The following ZSCAN22 variants were observed in gnomAD, a reference collection of about 807,000 sequenced individuals.
ZSCAN22 encodes the protein zinc finger and SCAN domain containing 22.
In ZSCAN22, 7 loss-of-function variants were observed where a neutral mutation model predicts 12.4. That is an observed-to-expected ratio of 0.57 (90% CI 0.32 to 1.06). ZSCAN22 has a LOEUF of 1.06. Ranked by LOEUF, ZSCAN22 falls within the 50% of genes least tolerant of loss-of-function variation. The pLI, the probability that ZSCAN22 is intolerant of heterozygous loss-of-function variation, is 0.04. For synonymous variants in ZSCAN22, 243 were observed against 255.9 expected, an observed-to-expected ratio of 0.95 and a Z score of 0.48; for missense variants, 576 against 631.7, an observed-to-expected ratio of 0.91 and a Z score of 0.94.
In ZSCAN22 at chr19:58,339,086, G is replaced by C. The variant is rs149385342; in HGVS notation, c.1236G>C (p.Ala412=). The C allele has an allele frequency of 3.1e-6, 5 of 1,614,230 alleles. No individual in the cohort carries two copies. The highest frequency in any genetic ancestry group is 4.2e-6 in the Non-Finnish European group (5 of 1,180,040). The change falls in exon 3 of 3, where the codon GCG becomes GCC. Residue 412 remains alanine, a synonymous_variant. Coordinates refer to ENST00000329665, the MANE Select transcript of ZSCAN22 (RefSeq NM_181846.3). This position sits in a 1 kb window ranked among gnomAD's most constrained non-coding sequence, Gnocchi z 5.6. The part of the protein sequence containing the change: ...HTGEKPYKCD[A]CGRAFSDCSA... ...GGGAGAAGCCCTACAAGTGTGACGCGTGTGGCCGAGCCTTCAGCGACTGCT... is the reference window on the plus strand; with the variant it reads ...GGGAGAAGCCCTACAAGTGTGACGCCTGTGGCCGAGCCTTCAGCGACTGCT...
At chr19:58,327,931 A>G (rs925123831) in intron 1 of ZSCAN22, among the ~76,000 whole-genome samples, 10 of 151,964 alleles carry the variant, frequency 6.6e-5, no homozygotes, top group African/African-American at 2.4e-4. Context: ...GCTCACTGCA[A>G]CCTCCATCTC....
At chr19:58,334,721 A>T in intron 1 of ZSCAN22, 31 bp from the exon 2 acceptor site, 1 of 1,443,972 alleles carries the variant, frequency 6.9e-7, no homozygotes. Context: ...CCCAGGTTCC[A>T]TGTGATGCTG....
At chr19:58,337,067 G>T (rs1441723807) in intron 2 of ZSCAN22, among the ~76,000 whole-genome samples, 1 of 152,190 alleles carries the variant, frequency 6.6e-6, no homozygotes, top group Non-Finnish European at 1.5e-5. Context: ...TCTACCTCAT[G>T]CACACTCTGA....
At position 58,334,834 on chromosome 19, in the gene ZSCAN22, T is replaced by G. The variant is rs756428531; in HGVS notation, c.32T>G (p.Val11Gly). Reference sequence around the variant, plus strand: ...ATCCCCAAGCACTCCCTGAGCCCAGTGCCGTGGGAAGAGGACAGCTTCCTT... The same window carrying G: ...ATCCCCAAGCACTCCCTGAGCCCAGGGCCGTGGGAAGAGGACAGCTTCCTT... MAIPKHSLSPVPWEEDSFLQV... is the reference protein window; with the variant it reads MAIPKHSLSPGPWEEDSFLQV... The change falls in exon 2 of 3, where the codon GTG becomes GGG. Residue 11 changes from valine (V) to glycine (G), a missense_variant. Transcript: ENST00000329665. 1 of 1,611,766 alleles carries G rather than the reference T, an allele frequency of 6.2e-7. No individual in the cohort carries two copies. The highest frequency in any genetic ancestry group is 1.1e-5 in the South Asian group (1 of 91,000).
Position 58,339,096 on chromosome 19 carries a change from G to C in ZSCAN22, c.1246G>C (p.Ala416Pro). The C allele has an allele frequency of 6.2e-7, 1 of 1,614,262 alleles. No homozygotes were observed. The highest frequency in any genetic ancestry group is 8.5e-7 in the Non-Finnish European group (1 of 1,180,044). ...CTACAAGTGTGACGCGTGTGGCCGA[G>C]CCTTCAGCGACTGCTCAGCCCTGAT... ...KPYKCDACGR[A>P]FSDCSALIRH... The change falls in exon 3 of 3, where the codon GCC becomes CCC. Residue 416 changes from alanine to proline, a missense_variant. Coordinates refer to ENST00000329665, the MANE Select transcript of ZSCAN22 (RefSeq NM_181846.3). This position sits in a 1 kb window ranked among gnomAD's most constrained non-coding sequence, Gnocchi z 5.6.
chr19:58,329,968 C>T lies in ZSCAN22; in HGVS notation c.-52+2854C>T, dbSNP rs777254360. ...ATGGTATAGCCAATTTGCAAAACAG[C>T]CTGGCAGTTTCTTAAAAAGTTAAGC... On this transcript the variant is annotated intron_variant, in intron 1 of 2. Coordinates refer to ENST00000329665, the MANE Select transcript of ZSCAN22 (RefSeq NM_181846.3). The surrounding 1 kb of genome is among the most constrained non-coding windows in gnomAD (Gnocchi z 4.1). Among the ~76,000 whole-genome samples the T allele has an allele frequency of 1.3e-5, 2 of 152,308 alleles. No homozygotes were observed. Among genetic ancestry groups the T allele is most frequent in the South Asian group, 4.1e-4 (2 of 4,826 alleles).
At chr19:58,332,456 G>A (rs1466724419) in intron 1 of ZSCAN22, among the ~76,000 whole-genome samples, 1 of 151,354 alleles carries the variant, frequency 6.6e-6, no homozygotes, top group Non-Finnish European at 1.5e-5. Context: ...GTATTTTTTA[G>A]TAGAGACGGG....
chr19:58,334,831 C>G lies in ZSCAN22; in HGVS notation c.29C>G (p.Pro10Arg), dbSNP rs1225336666. Reference protein sequence around the residue: MAIPKHSLSPVPWEEDSFLQ... With the variant: MAIPKHSLSRVPWEEDSFLQ... ...GCCATCCCCAAGCACTCCCTGAGCCCAGTGCCGTGGGAAGAGGACAGCTTC... is the reference window on the plus strand; with the variant it reads ...GCCATCCCCAAGCACTCCCTGAGCCGAGTGCCGTGGGAAGAGGACAGCTTC... The change falls in exon 2 of 3, where the codon CCA becomes CGA. Residue 10 changes from proline (P) to arginine (R), a missense_variant. Physicochemically the swap from Pro to Arg is moderately radical, Grantham distance 103. Coordinates refer to ENST00000329665, the MANE Select transcript of ZSCAN22 (RefSeq NM_181846.3). 2 of 1,611,292 alleles carry G rather than the reference C, an allele frequency of 1.2e-6. No individual in the cohort carries two copies. Among genetic ancestry groups the G allele is most frequent in the African/African-American group, 2.7e-5 (2 of 74,912 alleles).
rs2051835424 is a variant in ZSCAN22, at chr19:58,338,978, G to C, written c.1128G>C (p.Gly376=). Residue 376 remains glycine (G), a synonymous_variant, in exon 3 of 3, where the codon GGG becomes GGC. Transcript: ENST00000329665. This position sits in a 1 kb window ranked among gnomAD's most constrained non-coding sequence, Gnocchi z 5.4. ...CCCAGCACCAGCGGGTGCACACGGG[G>C]GAGCGGCCCTACGAGTGTGACGCGT... The part of the protein sequence containing the change: ...HLTQHQRVHT[G]ERPYECDACG... 2 of 1,613,056 alleles carry C rather than the reference G, an allele frequency of 1.2e-6. No individual in the cohort carries two copies. The highest frequency in any genetic ancestry group is 1.7e-6 in the Non-Finnish European group (2 of 1,179,422).
intron 2 of ZSCAN22, among the ~76,000 whole-genome samples, chr19:58,336,514 T>C (rs2051799111): frequency 6.6e-6 from 1 of 151,762 alleles, no homozygotes; most frequent in African/African-American, 2.4e-5. Context: ...GTGATGTTTC[T>C]GGATAGAGGA....
chr19:58,333,668 A>G (rs1415415399), intron 1 of ZSCAN22, among the ~76,000 whole-genome samples: 1 of 152,182 alleles, frequency 6.6e-6, no homozygotes, highest in Non-Finnish European at 1.5e-5. Context: ...ACATGGCAAA[A>G]CCCCGTCTCC....
intron 1 of ZSCAN22, among the ~76,000 whole-genome samples, chr19:58,334,349 T>C (rs1192968552): frequency 6.6e-6 from 1 of 152,142 alleles, no homozygotes; most frequent in African/African-American, 2.4e-5. Context: ...CAGAGTCTTG[T>C]TCTGTTGCGC....
rs2051873281 is a variant in ZSCAN22 at position 58,341,371 on chromosome 19, T to C, written c.*2045T>C. 2 of 152,264 alleles carry C rather than the reference T, an allele frequency of 1.3e-5. No individual in the cohort carries two copies. Among genetic ancestry groups the C allele is most frequent in the Non-Finnish European group, 2.9e-5 (2 of 68,046 alleles). 9.4% of individuals were successfully genotyped at this position (152,264 alleles called of 1,614,324 possible). On this transcript the variant is annotated 3_prime_UTR_variant, in exon 3 of 3. Coordinates refer to ENST00000329665, the MANE Select transcript of ZSCAN22 (RefSeq NM_181846.3). ...TTTAGGGTCCCTGTCTATCACTGGA[T>C]GCTGCAGCTTCTGTTCATTACTGTT...
rs1466394918 is a variant in ZSCAN22 at position 58,339,101 on chromosome 19, C to T, written c.1251C>T (p.Phe417=). 1.2e-6 allele frequency: 2 copies of T among 1,614,272 alleles called. No homozygotes were observed. The highest frequency in any genetic ancestry group is 8.5e-7 in the Non-Finnish European group (1 of 1,180,048). ...PYKCDACGRA[F]SDCSALIRHL... is the part of the protein sequence containing the mutation. ...AGTGTGACGCGTGTGGCCGAGCCTT[C>T]AGCGACTGCTCAGCCCTGATCCGAC... Residue 417 remains phenylalanine (F), a synonymous_variant, in exon 3 of 3, where the codon TTC becomes TTT. Transcript: ENST00000329665. The surrounding 1 kb of genome is among the most constrained non-coding windows in gnomAD (Gnocchi z 5.6).
rs997379553 is a variant in ZSCAN22 at position 58,338,364 on chromosome 19, C to T, written c.514C>T (p.Pro172Ser). 2 of 1,614,140 alleles carry T rather than the reference C, an allele frequency of 1.2e-6. No individual in the cohort carries two copies. The highest frequency in any genetic ancestry group is 2.2e-5 in the East Asian group (1 of 44,880). The change falls in exon 3 of 3, where the codon CCC becomes TCC. Residue 172 changes from proline (P) to serine (S), a missense_variant. Pro to Ser is a moderately conservative substitution (Grantham distance 74). Transcript: ENST00000329665. This position sits in a 1 kb window ranked among gnomAD's most constrained non-coding sequence, Gnocchi z 5.4. Reference protein sequence around the residue: ...ETLMGGVSLGPAFVKACEPEG... With the variant: ...ETLMGGVSLGSAFVKACEPEG... ...CCTCATGGGAGGTGTTTCCCTTGGACCCGCCTTTGTCAAGGCATGTGAACC... is the reference window on the plus strand; with the variant it reads ...CCTCATGGGAGGTGTTTCCCTTGGATCCGCCTTTGTCAAGGCATGTGAACC...
At position 58,338,923 on chromosome 19, in the gene ZSCAN22, G is replaced by T; in HGVS notation, c.1073G>T (p.Gly358Val). 6.2e-7 allele frequency: 1 copy of T among 1,614,142 alleles called. No homozygotes were observed. The highest frequency in any genetic ancestry group is 8.5e-7 in the Non-Finnish European group (1 of 1,180,034). Residue 358 changes from glycine to valine, a missense_variant, in exon 3 of 3, where the codon GGT (glycine) becomes GTT (valine). Coordinates refer to ENST00000329665, the MANE Select transcript of ZSCAN22 (RefSeq NM_181846.3). This position sits in a 1 kb window ranked among gnomAD's most constrained non-coding sequence, Gnocchi z 5.4. ...AAACCCTACAAATGTGGGGAATGTGGTAAAACCTTCAGCCGCAGCACTCAC... is the reference window on the plus strand; with the variant it reads ...AAACCCTACAAATGTGGGGAATGTGTTAAAACCTTCAGCCGCAGCACTCAC... ...GEKPYKCGECGKTFSRSTHLT... is the reference protein window; with the variant it reads ...GEKPYKCGECVKTFSRSTHLT...
Position 58,329,597 on chromosome 19 carries a change from C to G in ZSCAN22, c.-52+2483C>G, listed in dbSNP as rs1405205225. Among the ~76,000 whole-genome samples the G allele has an allele frequency of 6.6e-6, 1 of 151,982 alleles. No individual in the cohort carries two copies. ...TCAAGAAAAGTAATACAGTAGTCAC[C>G]CCTCATCTTCAGTTTTGGTGAATAT... On this transcript the variant is annotated intron_variant, in intron 1 of 2. Coordinates refer to ENST00000329665, the MANE Select transcript of ZSCAN22 (RefSeq NM_181846.3). The surrounding 1 kb of genome is among the most constrained non-coding windows in gnomAD (Gnocchi z 4.1).
Position 58,338,354 on chromosome 19 carries a change from T to TTC in ZSCAN22, c.505_506dup (p.Leu170ProfsTer171), listed in dbSNP as rs1285541606. On this transcript the variant is annotated frameshift_variant, in exon 3 of 3. Transcript: ENST00000329665. LOFTEE classifies it low-confidence loss of function (END_TRUNC). The surrounding 1 kb of genome is among the most constrained non-coding windows in gnomAD (Gnocchi z 5.4). ...TCACTGAGACCCTCATGGGAGGTGTTTCCCTTGGACCCGCCTTTGTCAAGG... is the reference window on the plus strand; with the variant it reads ...TCACTGAGACCCTCATGGGAGGTGTTTCTCCCTTGGACCCGCCTTTGTCAAGG... 6.2e-7 allele frequency: 1 copy of TTC among 1,614,082 alleles called. No homozygotes were observed. The highest frequency in any genetic ancestry group is 8.5e-7 in the Non-Finnish European group (1 of 1,179,988).
intron 1 of ZSCAN22, 43 bp downstream of exon 1, chr19:58,327,157 G>C (rs1050912207): frequency 1.3e-5 from 2 of 152,580 alleles, no homozygotes; most frequent in Non-Finnish European, 2.9e-5. Flanking sequence ...AGGCTGGAGA[G>C]GGGCACAGCA....
Sources: gnomAD v4.1 joint callset for allele counts (sites outside exome capture counted in the v4.1 genomes callset) on GRCh38, gnomAD v4.1.1 for gene constraint, Gnocchi (gnomAD v3.1) non-coding constraint, MANE v1.5 for transcripts, NCBI Gene and HGNC (gene_info 2026-07-23, HGNC 2026-07-21) for gene names.